BCOR: variants seen among roughly 807,000 people sequenced by gnomAD.
BCOR encodes the protein BCL-6 corepressor.
BCOR carries 10 observed loss-of-function variants against 86.7 expected under a neutral mutation model. The observed-to-expected ratio is 0.12, with a 90% confidence interval of 0.07 to 0.20. The LOEUF (loss-of-function observed/expected upper bound fraction) is 0.20, where lower values mean the gene tolerates loss of function less well. BCOR is among the 10% of genes least tolerant of loss of function. BCOR has a pLI of 1.00. For missense variants in BCOR, 1,259 were observed against 1,452.1 expected, an observed-to-expected ratio of 0.87 and a Z score of 2.16; for synonymous variants, 611 against 609.0, an observed-to-expected ratio of 1.00 and a Z score of -0.05.
Position 40,071,013 on chromosome X carries a change from G to A in BCOR, c.3198C>T (p.Thr1066=), listed in dbSNP as rs1254194940. Residue 1066 remains threonine (T), a synonymous_variant, in exon 6 of 15, where the codon ACC becomes ACT. Coordinates refer to ENST00000378444, the MANE Select transcript of BCOR (RefSeq NM_001123385.2). ...TCTGTTCTGCAATGGCCTCCTCCAG[G>A]GTGACCGACTTTGGCTTTTTGTCCT... ...GNQDKKPKSV[T]LEEAIAEQNE... 8.3e-7 allele frequency: 1 copy of A among 1,209,486 alleles called. No homozygotes were observed. The highest frequency in any genetic ancestry group is 1.8e-5 in the African/African-American group (1 of 57,021).
At chrX:40,072,182 T>C in intron 4 of BCOR, 167 bp downstream of exon 4, 2 of 510,228 alleles carry the variant, frequency 3.9e-6, no homozygotes, top group Non-Finnish European at 6.7e-6. Flanking sequence ...GCCTCAGTGC[T>C]ACCACTCACG....
chrX:40,072,718 G>A lies in BCOR; in HGVS notation c.2628C>T (p.Phe876=), dbSNP rs1434526579. 8.3e-7 allele frequency: 1 copy of A among 1,211,935 alleles called. No individual in the cohort carries two copies. The highest frequency in any genetic ancestry group is 1.1e-6 in the Non-Finnish European group (1 of 895,572). The change falls in exon 4 of 15, where the codon TTC becomes TTT. Residue 876 remains phenylalanine (F), a synonymous_variant. Coordinates refer to ENST00000378444, the MANE Select transcript of BCOR (RefSeq NM_001123385.2). ...HETYTFKQPV[F]TVSKDSVLAG... ...CCAGAACACTGTCCTTGCTTACGGTGAAGACTGGCTGTTTGAAAGTATAAG... is the reference window on the plus strand; with the variant it reads ...CCAGAACACTGTCCTTGCTTACGGTAAAGACTGGCTGTTTGAAAGTATAAG...
chrX:40,131,901 G>A (rs1158563000), intron 1 of BCOR, among the ~76,000 whole-genome samples: 1 of 111,602 alleles, frequency 9.0e-6, no homozygotes, highest in Admixed American at 9.6e-5. Context: ...CTAGTTATTC[G>A]ACACTCTTCC....
At position 40,072,722 on chromosome X, in the gene BCOR, A is replaced by G. The variant is rs1172155454; in HGVS notation, c.2624T>C (p.Val875Ala). 2 of 1,211,625 alleles carry G rather than the reference A, an allele frequency of 1.7e-6. No individual in the cohort carries two copies. The highest frequency in any genetic ancestry group is 4.3e-5 in the Admixed American group (2 of 46,027). Residue 875 changes from valine to alanine, a missense_variant, in exon 4 of 15, where the codon GTC becomes GCC. Transcript: ENST00000378444. Reference sequence around the variant, plus strand: ...AACACTGTCCTTGCTTACGGTGAAGACTGGCTGTTTGAAAGTATAAGTTTC... The same window carrying G: ...AACACTGTCCTTGCTTACGGTGAAGGCTGGCTGTTTGAAAGTATAAGTTTC... ...FHETYTFKQPVFTVSKDSVLA... is the reference protein window; with the variant it reads ...FHETYTFKQPAFTVSKDSVLA...
At chrX:40,087,693 T>G (rs1212355866) in intron 1 of BCOR, among the ~76,000 whole-genome samples, 1 of 112,034 alleles carries the variant, frequency 8.9e-6, no homozygotes, top group Non-Finnish European at 1.9e-5. Context: ...TGATGAGATT[T>G]CTCTAGTTGA....
intron 4 of BCOR, 23 bp downstream of exon 4, chrX:40,072,326 G>T (rs1213129785): frequency 8.3e-7 from 1 of 1,199,183 alleles, no homozygotes. Flanking sequence ...TAAAGTAACT[G>T]AAATTCAGGT....
intron 1 of BCOR, among the ~76,000 whole-genome samples, chrX:40,123,467 C>G (rs957928840): frequency 1.8e-5 from 2 of 110,653 alleles, no homozygotes; most frequent in African/African-American, 6.6e-5. Flanking sequence ...ATTCTCCTGC[C>G]TCAGCCTCCC....
At chrX:40,054,664 A>T (rs1934501657) in intron 12 of BCOR, among the ~76,000 whole-genome samples, 1 of 111,582 alleles carries the variant, frequency 9.0e-6, no homozygotes, top group South Asian at 3.8e-4. Flanking sequence ...CACCATGCCC[A>T]GCTAATTTTT....
At chrX:40,072,154 CT>C in intron 4 of BCOR, 194 bp downstream of exon 4, 1 of 457,326 alleles carries the variant, frequency 2.2e-6, no homozygotes, top group African/African-American at 2.4e-5. Context: ...TACAGAATAA[CT>C]TAAAGCATCC....
chrX:40,160,262 C>T (rs1452749421), intron 1 of BCOR, among the ~76,000 whole-genome samples: 1 of 110,120 alleles, frequency 9.1e-6, no homozygotes, highest in Non-Finnish European at 1.9e-5. Context: ...ACTACAGGCG[C>T]CCGCCACTAC....
chrX:40,072,086 C>A, intron 4 of BCOR: 1 of 425,157 alleles, frequency 2.4e-6, no homozygotes, highest in Non-Finnish European at 4.1e-6. Context: ...TCTTTAGATA[C>A]CCTTCACAAT....
At chrX:40,052,604 G>A (rs899279074) in intron 14 of BCOR, among the ~76,000 whole-genome samples, 4 of 79,002 alleles carry the variant, frequency 5.1e-5, no homozygotes, top group African/African-American at 1.0e-4. Context: ...TCGCTCTGTC[G>A]CCCAGGCTGG....
chrX:40,087,787 G>A (rs753017655), intron 1 of BCOR, among the ~76,000 whole-genome samples: 51 of 112,226 alleles, frequency 4.5e-4, no homozygotes, highest in Non-Finnish European at 6.9e-4. Flanking sequence ...AAGCAGGCAC[G>A]CTGTGCTTGT....
intron 1 of BCOR, among the ~76,000 whole-genome samples, chrX:40,168,748 C>T: frequency 8.8e-6 from 1 of 113,363 alleles, no homozygotes; most frequent in Non-Finnish European, 1.9e-5. Context: ...GCCAGGGCGG[C>T]CTCTCGCCTT....
intron 1 of BCOR, among the ~76,000 whole-genome samples, chrX:40,129,621 G>C (rs1490976795): frequency 9.0e-6 from 1 of 111,260 alleles, no homozygotes; most frequent in East Asian, 2.8e-4. Flanking sequence ...TTAGGGAGAA[G>C]GGGAAACAGT....
Position 40,176,670 on chromosome X carries a change from A to G in BCOR, c.-41+337T>C, listed in dbSNP as rs778921292. Among the ~76,000 whole-genome samples, 14 of 105,442 alleles carry G rather than the reference A, an allele frequency of 1.3e-4. No homozygotes were observed. In the East Asian group the frequency reaches 2.2e-3, roughly 16 times the overall value. 91.6% of individuals were successfully genotyped at this position (105,442 alleles called of 115,157 possible). A position where few individuals can be genotyped will look rare whatever the true frequency, so the allele number is the denominator to read the frequency against. On this transcript the variant is annotated intron_variant, in intron 1 of 14. Transcript: ENST00000342274. ...CCCTGGCTCCCACACCGGTCCCTCCATAACTCGCGCTCCTCCCTCGCTCCG... is the reference window on the plus strand; with the variant it reads ...CCCTGGCTCCCACACCGGTCCCTCCGTAACTCGCGCTCCTCCCTCGCTCCG...
chrX:40,130,055 C>T (rs983347097), intron 1 of BCOR, among the ~76,000 whole-genome samples: 2 of 111,206 alleles, frequency 1.8e-5, no homozygotes, highest in African/African-American at 6.5e-5. Context: ...ACAGACTTCA[C>T]CCGTGCAGCA....
intron 1 of BCOR, among the ~76,000 whole-genome samples, chrX:40,086,846 A>C (rs999491975): frequency 8.8e-6 from 1 of 113,329 alleles, no homozygotes; most frequent in Non-Finnish European, 1.9e-5. Flanking sequence ...CTTCACACCA[A>C]GCCCAGCAGC....
At chrX:40,159,135 G>A (rs1479248180) in intron 1 of BCOR, among the ~76,000 whole-genome samples, 1 of 112,011 alleles carries the variant, frequency 8.9e-6, no homozygotes, top group Non-Finnish European at 1.9e-5. Context: ...GGTTCCCGGG[G>A]CTAACAGTCA....
Sources: gnomAD v4.1 joint callset for allele counts (sites outside exome capture counted in the v4.1 genomes callset) on GRCh38, gnomAD v4.1.1 for gene constraint, MANE v1.5 for transcripts, NCBI Gene and HGNC (gene_info 2026-07-23, HGNC 2026-07-21) for gene names.